Variants in UMAD1 observed in about 807,000 individuals in gnomAD.
UMAD1 encodes UBAP1-MVB12-associated (UMA)-domain containing protein 1.
In UMAD1, 8 loss-of-function variants were observed where a neutral mutation model predicts 6.1. That is an observed-to-expected ratio of 1.30 (90% CI 0.76 to 2.35). UMAD1 has a LOEUF of 2.35. Among genes scored for constraint, UMAD1 ranks in the 30% most tolerant of loss-of-function variants. The pLI is 0.00. For synonymous variants in UMAD1, 56 were observed against 31.4 expected, an observed-to-expected ratio of 1.78 and a Z score of -2.61; for missense variants, 130 against 78.4, an observed-to-expected ratio of 1.66 and a Z score of -2.49.
chr7:7,870,302 T>C (rs1784310573), intron 3 of UMAD1, among the ~76,000 whole-genome samples: 1 of 152,198 alleles, frequency 6.6e-6, no homozygotes, highest in South Asian at 2.1e-4. Context: ...GAAAAAGAAG[T>C]ATTAAAGCTA....
At chr7:7,834,219 C>T (rs1583860033) in intron 3 of UMAD1, among the ~76,000 whole-genome samples, 1 of 151,614 alleles carries the variant, frequency 6.6e-6, no homozygotes, top group South Asian at 2.1e-4. Context: ...GGCGGGGTTT[C>T]ACCATGTTGG....
chr7:7,661,229 A>C (rs1785467074), intron 1 of UMAD1, among the ~76,000 whole-genome samples: 1 of 151,818 alleles, frequency 6.6e-6, no homozygotes, highest in African/African-American at 2.4e-5. Flanking sequence ...CTTTTTTTCC[A>C]AGGTTCTTAG....
intron 2 of UMAD1, among the ~76,000 whole-genome samples, chr7:7,730,290 T>A (rs1486643252): frequency 6.6e-6 from 1 of 152,150 alleles, no homozygotes; most frequent in Non-Finnish European, 1.5e-5. Context: ...CTCCTAGAGA[T>A]TTTGATGTAA....
intron 2 of UMAD1, among the ~76,000 whole-genome samples, chr7:7,727,407 C>G (rs961836068): frequency 6.6e-6 from 1 of 152,104 alleles, no homozygotes; most frequent in Non-Finnish European, 1.5e-5. Context: ...TTATGTTAGG[C>G]ATAATTATGA....
At chr7:7,683,355 A>G (rs1196183690) in intron 2 of UMAD1, among the ~76,000 whole-genome samples, 1 of 152,182 alleles carries the variant, frequency 6.6e-6, no homozygotes, top group Non-Finnish European at 1.5e-5. Context: ...AGAGTTCTCC[A>G]GATGATTCTA....
At chr7:7,876,112 C>T (rs1784414293) in intron 3 of UMAD1, among the ~76,000 whole-genome samples, 1 of 152,144 alleles carries the variant, frequency 6.6e-6, no homozygotes, top group Admixed American at 6.5e-5. Flanking sequence ...GAAAAGGCCT[C>T]ATTGAGATGG....
intron 3 of UMAD1, among the ~76,000 whole-genome samples, chr7:7,814,556 C>T (rs1783088939): frequency 1.3e-5 from 2 of 152,048 alleles, no homozygotes; most frequent in Admixed American, 1.3e-4. Flanking sequence ...TTAGTTGCCT[C>T]ATTCATTTTG....
At chr7:7,781,064 A>G (rs1336029037) in intron 2 of UMAD1, among the ~76,000 whole-genome samples, 1 of 152,198 alleles carries the variant, frequency 6.6e-6, no homozygotes, top group Non-Finnish European at 1.5e-5. Flanking sequence ...ACATTCTTCA[A>G]AAGTTCTTGA....
Position 7,807,447 on chromosome 7 carries a change from G to A in UMAD1, c.156+5704G>A, listed in dbSNP as rs543545031. On this transcript the variant is annotated intron_variant, in intron 3 of 3. Coordinates refer to ENST00000682710, the MANE Select transcript of UMAD1 (RefSeq NM_001302348.2). ...GGTTAAAAAATGAAATGAATGTAGC[G>A]TGGCCTATGCTACATTGTAATTTTA... is the stretch of plus-strand genomic sequence containing the variant. Among the ~76,000 whole-genome samples the A allele has an allele frequency of 7.2e-5, 11 of 152,134 alleles. No individual in the cohort carries two copies. In the South Asian group the frequency reaches 2.1e-3, roughly 29 times the overall value.
At chr7:7,797,406 T>C (rs1782707749) in intron 2 of UMAD1, among the ~76,000 whole-genome samples, 1 of 152,172 alleles carries the variant, frequency 6.6e-6, no homozygotes, top group Non-Finnish European at 1.5e-5. Context: ...GCATGAACAA[T>C]GAACCTATTA....
intron 3 of UMAD1, among the ~76,000 whole-genome samples, chr7:7,819,734 A>G (rs1334332096): frequency 6.6e-6 from 1 of 152,208 alleles, no homozygotes; most frequent in Admixed American, 6.5e-5. Context: ...CTGCATTTGC[A>G]TTTTTATCAT....
chr7:7,873,238 C>G (rs148766307), intron 3 of UMAD1, among the ~76,000 whole-genome samples: 1 of 152,266 alleles, frequency 6.6e-6, no homozygotes, highest in African/African-American at 2.4e-5. Flanking sequence ...TACCAAGCAG[C>G]GTGGTTCTGG....
intron 2 of UMAD1, among the ~76,000 whole-genome samples, chr7:7,684,619 T>A (rs1779995043): frequency 1.3e-5 from 2 of 152,186 alleles, no homozygotes; most frequent in Non-Finnish European, 2.9e-5. Flanking sequence ...TTAGATGTTT[T>A]TTGAAAAATC....
chr7:7,792,947 C>T (rs547843957), intron 2 of UMAD1, among the ~76,000 whole-genome samples: 45 of 152,274 alleles, frequency 3.0e-4, no homozygotes, highest in Non-Finnish European at 4.4e-4. Context: ...GGGCTCCATC[C>T]TCATGACCTC....
intron 2 of UMAD1, among the ~76,000 whole-genome samples, chr7:7,721,990 C>G (rs1361127914): frequency 6.6e-6 from 1 of 151,994 alleles, no homozygotes; most frequent in Non-Finnish European, 1.5e-5. Flanking sequence ...GCCTCCTAGC[C>G]TACATCTTTT....
intron 2 of UMAD1, among the ~76,000 whole-genome samples, chr7:7,687,594 G>A (rs1177920712): frequency 6.6e-6 from 1 of 152,172 alleles, no homozygotes; most frequent in African/African-American, 2.4e-5. Context: ...CCCACTAAAA[G>A]CTGAAGTGTT....
At chr7:7,840,619 T>C (rs1283388845) in intron 3 of UMAD1, among the ~76,000 whole-genome samples, 5 of 152,010 alleles carry the variant, frequency 3.3e-5, no homozygotes, top group Non-Finnish European at 7.4e-5. Context: ...TTAGCACAAT[T>C]TATTGTATAT....
intron 2 of UMAD1, among the ~76,000 whole-genome samples, chr7:7,792,781 G>A (rs760305043): frequency 1.4e-4 from 22 of 152,222 alleles, no homozygotes; most frequent in Admixed American, 3.9e-4. Flanking sequence ...AGTTCTGGAA[G>A]TTGAGAAGTC....
chr7:7,798,428 T>G (rs1181331363), intron 2 of UMAD1, among the ~76,000 whole-genome samples: 3 of 152,198 alleles, frequency 2.0e-5, no homozygotes, highest in Non-Finnish European at 4.4e-5. Flanking sequence ...CTTAAAAACT[T>G]CCTGAAAAAT....
Sources: gnomAD v4.1 joint callset for allele counts (sites outside exome capture counted in the v4.1 genomes callset) on GRCh38, gnomAD v4.1.1 for gene constraint, MANE v1.5 for transcripts, NCBI Gene and HGNC (gene_info 2026-07-23, HGNC 2026-07-21) for gene names.